TFF2: variants seen among roughly 807,000 people sequenced by gnomAD.
The protein encoded by TFF2 is spasmolysin.
TFF2 carries 19 observed loss-of-function variants against 16.0 expected under a neutral mutation model. That is an observed-to-expected ratio of 1.19 (90% confidence interval 0.83 to 1.74). TFF2 has a LOEUF of 1.74. Ranked by LOEUF, TFF2 falls within the 40% of genes most tolerant of loss-of-function variation. The probability of loss-of-function intolerance (pLI) is 0.00; values close to 1 mark genes in which losing one functional copy is unlikely to be tolerated. For missense variants in TFF2, 168 were observed against 166.8 expected (o/e 1.01, Z -0.04); for synonymous variants, 61 against 65.4 (o/e 0.93, Z 0.32).
At position 42,350,974 on chromosome 21, in the gene TFF2, C is replaced by T; in HGVS notation, c.-17G>A. The T allele has an allele frequency of 6.2e-7, 1 of 1,611,942 alleles. No homozygotes were observed. Among genetic ancestry groups the T allele is most frequent in the Non-Finnish European group, 8.5e-7 (1 of 1,179,098 alleles). Reference sequence around the variant, plus strand: ...CCGTCCCATGTCTAGCTCAGCTGCACCCCAGGGTGGCTTGCAGAATGCATG... The same window carrying T: ...CCGTCCCATGTCTAGCTCAGCTGCATCCCAGGGTGGCTTGCAGAATGCATG... On this transcript the variant is annotated 5_prime_UTR_variant, in exon 1 of 4. It adds an upstream start codon to the 5' untranslated region. Transcript: ENST00000291526.
chr21:42,349,421 CCCAGACTAACCAACCTGGGCTAGCT>C (rs2052096273), intron 2 of TFF2, among the ~76,000 whole-genome samples: 2 of 134,300 alleles, frequency 1.5e-5, no homozygotes, highest in African/African-American at 2.8e-5. Flanking sequence ...GGCTACTAGC[CCCAGACTAACCAACCTGGGCTAGCT>C]CCAGACTAAC....
chr21:42,347,430 C>T (rs1445286153), intron 3 of TFF2, 56 bp downstream of exon 3: 42 of 1,609,368 alleles, frequency 2.6e-5, no homozygotes, highest in Non-Finnish European at 3.4e-5. Context: ...CCTCTACGGA[C>T]GGAGGAGGAA....
Position 42,347,630 on chromosome 21 carries a change from A to T in TFF2, c.232T>A (p.Ser78Thr). ...WCFHPLPKQESDQCVMEVSDR... is the reference protein window; with the variant it reads ...WCFHPLPKQETDQCVMEVSDR... ...GAGACCTCCATGACGCACTGATCCG[A>T]CTCTGCCATGGGACAGGCACAGCAC... Residue 78 changes from serine (S) to threonine (T), a missense_variant and splice_region_variant, in exon 3 of 4, where the codon TCG (serine) becomes ACG (threonine). Coordinates refer to ENST00000291526, the MANE Select transcript of TFF2 (RefSeq NM_005423.5). 1.2e-6 allele frequency: 2 copies of T among 1,613,454 alleles called. No homozygotes were observed. The highest frequency in any genetic ancestry group is 2.7e-5 in the African/African-American group (2 of 74,884).
intron 1 of TFF2, 111 bp downstream of exon 1, chr21:42,350,768 C>T: frequency 8.7e-7 from 1 of 1,148,626 alleles, no homozygotes; most frequent in East Asian, 2.5e-5. Context: ...ACACACATTG[C>T]CAGATGCCTT....
At chr21:42,350,133 G>T in intron 1 of TFF2, 103 bp from the exon 2 acceptor site, 2 of 1,431,188 alleles carry the variant, frequency 1.4e-6, no homozygotes, top group Non-Finnish European at 1.8e-6. Flanking sequence ...TTGCCACATA[G>T]AGAAACACAA....
intron 2 of TFF2, among the ~76,000 whole-genome samples, chr21:42,348,050 G>A (rs1476164626): frequency 6.6e-6 from 1 of 152,202 alleles, no homozygotes; most frequent in Non-Finnish European, 1.5e-5. Context: ...TTTGGACATG[G>A]TATTGATTCC....
Position 42,350,102 on chromosome 21 carries a change from G to A in TFF2, c.80-72C>T, listed in dbSNP as rs548419568. ...ACTGCTCCTTCTCTCAGAGGTTCTA[G>A]GGGATGCCTCTACTGTCTTGTTGCC... On this transcript the variant is annotated intron_variant, in intron 1 of 3. Coordinates refer to ENST00000291526, the MANE Select transcript of TFF2 (RefSeq NM_005423.5). 7.9e-6 allele frequency: 12 copies of A among 1,514,332 alleles called. No homozygotes were observed. The South Asian group carries it at 1.1e-4, about 14-fold the overall frequency. The allele number at this position is 1,514,332 out of a possible 1,614,324, so 93.8% of individuals were successfully genotyped here.
chr21:42,347,717 C>G (rs1268320523), intron 2 of TFF2, 85 bp from the exon 3 acceptor site: 6 of 1,521,374 alleles, frequency 3.9e-6, no homozygotes, highest in Non-Finnish European at 4.4e-6. Flanking sequence ...CTGAGAGCAG[C>G]GCTGATTTGC....
At chr21:42,349,804 C>G in intron 2 of TFF2, 77 bp downstream of exon 2, 1 of 1,451,770 alleles carries the variant, frequency 6.9e-7, no homozygotes. Context: ...TCCTCCGGCC[C>G]CTGCTCTGGG....
chr21:42,349,822 T>C, intron 2 of TFF2, 59 bp downstream of exon 2: 1 of 1,509,700 alleles, frequency 6.6e-7, no homozygotes, highest in Non-Finnish European at 9.0e-7. Flanking sequence ...GGGCTCCGCC[T>C]GTGAAGCTGG....
chr21:42,350,110 C>T, intron 1 of TFF2, 80 bp from the exon 2 acceptor site: 1 of 1,484,110 alleles, frequency 6.7e-7, no homozygotes, highest in Non-Finnish European at 9.0e-7. Context: ...TAGGGGATGC[C>T]TCTACTGTCT....
At chr21:42,347,067 T>C (rs2052074321) in intron 3 of TFF2, among the ~76,000 whole-genome samples, 1 of 152,148 alleles carries the variant, frequency 6.6e-6, no homozygotes, top group Non-Finnish European at 1.5e-5. Context: ...TTCGGGGTCA[T>C]GTGGGGGAGA....
intron 1 of TFF2, 50 bp downstream of exon 1, chr21:42,350,825 TTTTC>T: frequency 6.5e-7 from 1 of 1,534,500 alleles, no homozygotes; most frequent in Non-Finnish European, 8.8e-7. Flanking sequence ...TGCTTTTTTT[TTTTC>T]TTTAAGAGAA....
At chr21:42,348,245 G>A (rs1049974490) in intron 2 of TFF2, among the ~76,000 whole-genome samples, 9 of 152,066 alleles carry the variant, frequency 5.9e-5, no homozygotes, top group African/African-American at 1.9e-4. Context: ...ACTCGTCGGC[G>A]TTACAACTTG....
chr21:42,348,088 C>G (rs2839486), intron 2 of TFF2, among the ~76,000 whole-genome samples: 24,725 of 152,190 alleles, frequency 0.16, 2,171 homozygotes, highest in Middle Eastern at 0.31. Flanking sequence ...AGTGGGCGCT[C>G]GTGAACAATC....
At chr21:42,347,412 G>A (rs1424174807) in intron 3 of TFF2, 74 bp downstream of exon 3, 1 of 1,595,192 alleles carries the variant, frequency 6.3e-7, no homozygotes, top group African/African-American at 1.3e-5. Flanking sequence ...TCCCCTCCCT[G>A]CACCCCACCT....
chr21:42,350,533 G>A (rs533453982), intron 1 of TFF2, among the ~76,000 whole-genome samples: 59 of 152,178 alleles, frequency 3.9e-4, no homozygotes, highest in African/African-American at 1.2e-3. Context: ...ATCCTGTCTC[G>A]GAAAAAAACA....
rs2052067624 is a variant in TFF2, at chr21:42,346,391, T to C, written c.*142A>G. ...TTTTAAGGGTTTTATTTAAAGAAAT[T>C]ATATGTTAAACCATTGAAAATGAGG... On this transcript the variant is annotated 3_prime_UTR_variant, in exon 4 of 4. Transcript: ENST00000291526. 6.3e-6 allele frequency: 7 copies of C among 1,115,584 alleles called. No individual in the cohort carries two copies. Among genetic ancestry groups the C allele is most frequent in the Non-Finnish European group, 9.2e-6 (7 of 757,316 alleles). The allele number at this position is 1,115,584 out of a possible 1,614,324, so 69.1% of individuals were successfully genotyped here. A position where few individuals can be genotyped will look rare whatever the true frequency, so the allele number is the denominator to read the frequency against.
rs551347330 is a variant in TFF2 at position 42,350,925 on chromosome 21, C to G, written c.33G>C (p.Ala11=). MGRRDAQLLA[A]LLVLGLCALA... is the part of the protein sequence containing the mutation. ...GGGCACATAGCCCCAGGACGAGGAG[C>G]GCTGCCAGGAGCTGGGCGTCTCGCC... The change falls in exon 1 of 4, where the codon GCG becomes GCC. Residue 11 remains alanine, a synonymous_variant. Coordinates refer to ENST00000291526, the MANE Select transcript of TFF2 (RefSeq NM_005423.5). The G allele has an allele frequency of 6.2e-7, 1 of 1,613,928 alleles. No homozygotes were observed. Among genetic ancestry groups the G allele is most frequent in the South Asian group, 1.1e-5 (1 of 91,032 alleles).
Sources: allele counts gnomAD v4.1 joint callset (sites outside exome capture counted in the v4.1 genomes callset), GRCh38; gene constraint gnomAD v4.1.1; transcripts MANE v1.5; gene names NCBI Gene and HGNC (gene_info 2026-07-23, HGNC 2026-07-21).